The following LMX1A variants were observed in gnomAD, a reference collection of about 807,000 sequenced individuals.
LMX1A encodes the protein LIM homeobox transcription factor 1 alpha, also known as LIM homeobox transcription factor 1-alpha.
A neutral mutation model predicts 49.1 loss-of-function variants in LMX1A; 15 were observed. The observed-to-expected ratio is 0.31, with a 90% CI of 0.20 to 0.47. LMX1A has a LOEUF of 0.47. Ranked by LOEUF, LMX1A falls within the 20% of genes least tolerant of loss-of-function variation. LMX1A has a pLI of 1.00. For missense variants in LMX1A, 372 were observed against 475.8 expected, an observed-to-expected ratio of 0.78 and a Z score of 2.03; for synonymous variants, 167 against 185.7, an observed-to-expected ratio of 0.90 and a Z score of 0.82.
intron 3 of LMX1A, among the ~76,000 whole-genome samples, chr1:165,328,217 T>A (rs554936242): frequency 2.6e-5 from 4 of 152,252 alleles, no homozygotes; most frequent in Non-Finnish European, 4.4e-5. Context: ...AGGCAAAGTA[T>A]CCGTTCTGTG....
intron 4 of LMX1A, among the ~76,000 whole-genome samples, chr1:165,246,154 T>A (rs1426973160): frequency 6.6e-6 from 1 of 152,148 alleles, no homozygotes; most frequent in African/African-American, 2.4e-5. Flanking sequence ...ATTCAATTCA[T>A]TAGGTACTTA....
intron 6 of LMX1A, among the ~76,000 whole-genome samples, chr1:165,210,175 T>C (rs1188304666): frequency 6.6e-6 from 1 of 152,182 alleles, no homozygotes; most frequent in Non-Finnish European, 1.5e-5. Flanking sequence ...GGTAGGTAGA[T>C]GAATGAGCAA....
intron 3 of LMX1A, among the ~76,000 whole-genome samples, chr1:165,291,337 A>G (rs1654459939): frequency 6.6e-6 from 1 of 152,228 alleles, no homozygotes; most frequent in South Asian, 2.1e-4. Context: ...GTGCTGATGG[A>G]AAGTAGCAGC....
At chr1:165,313,968 T>A (rs559467347) in intron 3 of LMX1A, among the ~76,000 whole-genome samples, 1 of 152,318 alleles carries the variant, frequency 6.6e-6, no homozygotes, top group African/African-American at 2.4e-5. Context: ...AAATCAGGGC[T>A]GAGCTCGGTA....
intron 3 of LMX1A, among the ~76,000 whole-genome samples, chr1:165,276,624 T>A (rs115906653): frequency 6.6e-6 from 1 of 151,026 alleles, no homozygotes; most frequent in Non-Finnish European, 1.5e-5. Flanking sequence ...CGTTAGACAG[T>A]GCTATACTAC....
At chr1:165,274,993 T>G (rs1257237649) in intron 3 of LMX1A, among the ~76,000 whole-genome samples, 3 of 152,206 alleles carry the variant, frequency 2.0e-5, no homozygotes, top group Non-Finnish European at 4.4e-5. Context: ...TGAGGGAATA[T>G]GAGTTCTAGC....
intron 3 of LMX1A, among the ~76,000 whole-genome samples, chr1:165,264,774 T>C (rs1653561495): frequency 1.3e-5 from 2 of 151,486 alleles, no homozygotes; most frequent in African/African-American, 4.9e-5. Flanking sequence ...CTGGGCAACT[T>C]GGGGAGACCC....
At chr1:165,238,565 G>GT (rs1557859451) in intron 4 of LMX1A, among the ~76,000 whole-genome samples, 1 of 682 alleles carries the variant, frequency 1.5e-3, no homozygotes. Context: ...GGAACTGGAG[G>GT]TTAAAAGCAA....
intron 3 of LMX1A, among the ~76,000 whole-genome samples, chr1:165,349,441 T>A (rs185893814): frequency 3.4e-4 from 52 of 152,356 alleles, no homozygotes; most frequent in Middle Eastern, 3.4e-3. Flanking sequence ...TTAAAACATC[T>A]ACACCTATGG....
intron 3 of LMX1A, among the ~76,000 whole-genome samples, chr1:165,279,736 C>A (rs1306711978): frequency 2.6e-5 from 4 of 152,088 alleles, no homozygotes. Flanking sequence ...ATTATTAGTT[C>A]CAACAAATGA....
intron 3 of LMX1A, among the ~76,000 whole-genome samples, chr1:165,298,335 G>A (rs184534146): frequency 6.6e-6 from 1 of 152,362 alleles, no homozygotes; most frequent in East Asian, 1.9e-4. Context: ...CAGCTGAAAG[G>A]CTTGCAGGCC....
At chr1:165,281,283 T>C (rs565444650) in intron 3 of LMX1A, among the ~76,000 whole-genome samples, 2 of 152,322 alleles carry the variant, frequency 1.3e-5, no homozygotes, top group South Asian at 4.1e-4. Context: ...ATTTCCTACA[T>C]GTGGCCACCT....
At chr1:165,315,590 C>T (rs892060578) in intron 3 of LMX1A, among the ~76,000 whole-genome samples, 7 of 152,234 alleles carry the variant, frequency 4.6e-5, no homozygotes, top group African/African-American at 1.7e-4. Context: ...TAATCCAACA[C>T]TGTAAAACTA....
chr1:165,296,519 A>G (rs1654626815), intron 3 of LMX1A, among the ~76,000 whole-genome samples: 1 of 152,384 alleles, frequency 6.6e-6, no homozygotes, highest in East Asian at 1.9e-4. Flanking sequence ...AAGTCAGTTC[A>G]GGTATCACGT....
At chr1:165,342,210 G>A (rs1656097127) in intron 3 of LMX1A, among the ~76,000 whole-genome samples, 1 of 152,216 alleles carries the variant, frequency 6.6e-6, no homozygotes, top group Non-Finnish European at 1.5e-5. Context: ...AACAGTTCTG[G>A]AAATCAGCCT....
intron 3 of LMX1A, among the ~76,000 whole-genome samples, chr1:165,288,786 G>A (rs530129756): frequency 6.6e-6 from 1 of 152,350 alleles, no homozygotes; most frequent in South Asian, 2.1e-4. Context: ...ACCCTCTCCA[G>A]ATAGTTAAAA....
At chr1:165,262,642 T>G (rs1167058839) in intron 3 of LMX1A, among the ~76,000 whole-genome samples, 1 of 152,216 alleles carries the variant, frequency 6.6e-6, no homozygotes, top group Non-Finnish European at 1.5e-5. Context: ...ACTCTTCCAC[T>G]TAGGTGCTAA....
intron 3 of LMX1A, among the ~76,000 whole-genome samples, chr1:165,297,076 G>A (rs1385456327): frequency 1.3e-5 from 2 of 152,194 alleles, no homozygotes; most frequent in South Asian, 2.1e-4. Context: ...GGATGTCTTA[G>A]ACATCTGTAG....
At chr1:165,235,971 G>A (rs140978805) in intron 4 of LMX1A, among the ~76,000 whole-genome samples, 1 of 152,210 alleles carries the variant, frequency 6.6e-6, no homozygotes, top group Non-Finnish European at 1.5e-5. Context: ...GCGCGCGGGG[G>A]CTTCAGGCAC....
Sources: allele counts gnomAD v4.1 joint callset (sites outside exome capture counted in the v4.1 genomes callset), GRCh38; gene constraint gnomAD v4.1.1; transcripts MANE v1.5; gene names NCBI Gene and HGNC (gene_info 2026-07-23, HGNC 2026-07-21).